Variants in ITIH2 observed in about 807,000 individuals in gnomAD.
ITIH2 encodes inter-alpha-trypsin inhibitor heavy chain 2, also known as inter-alpha-trypsin inhibitor heavy chain H2.
Under a neutral mutation model 104.4 loss-of-function variants are expected in ITIH2, and 103 were observed. That is an observed-to-expected ratio of 0.99 (90% CI 0.84 to 1.16). ITIH2 has a LOEUF of 1.16. Ranked by LOEUF, ITIH2 falls within the 50% of genes most tolerant of loss-of-function variation. The pLI is 0.00. For missense variants in ITIH2, 1,108 were observed against 1,162.4 expected (o/e 0.95, Z 0.68); for synonymous variants, 436 against 435.4 (o/e 1.00, Z -0.02).
At chr10:7,729,720 G>C (rs1834983721) in intron 11 of ITIH2, 2 of 422,862 alleles carry the variant, frequency 4.7e-6, no homozygotes, top group Non-Finnish European at 8.4e-6. Flanking sequence ...TATTTATGTT[G>C]TTTCCAATAT....
At chr10:7,713,394 C>A in intron 5 of ITIH2, 109 bp downstream of exon 5, 1 of 745,136 alleles carries the variant, frequency 1.3e-6, no homozygotes, top group Non-Finnish European at 2.3e-6. Context: ...GCACCTGAGC[C>A]AATGGCAACC....
intron 3 of ITIH2, 59 bp from the exon 4 acceptor site, chr10:7,708,963 T>C (rs1303436751): frequency 1.4e-6 from 2 of 1,418,432 alleles, no homozygotes; most frequent in South Asian, 2.3e-5. Context: ...TGCACTACAT[T>C]TGATGAAGTT....
Position 7,731,315 on chromosome 10 carries a change from C to T in ITIH2, c.1462-496C>T, listed in dbSNP as rs543394445. Among the ~76,000 whole-genome samples the T allele has an allele frequency of 4.3e-4, 66 of 152,330 alleles. 1 individual carries two copies. Among genetic ancestry groups the T allele is most frequent in the African/African-American group, 1.4e-3 (59 of 41,586 alleles). On this transcript the variant is annotated intron_variant, in intron 12 of 20. Transcript: ENST00000358415. Reference sequence around the variant, plus strand: ...AGGCTCTTAAACCAAAGGTAATGTTCTCAACAAGTCTTTGTCTTCTCTCTG... The same window carrying T: ...AGGCTCTTAAACCAAAGGTAATGTTTTCAACAAGTCTTTGTCTTCTCTCTG...
At position 7,713,270 on chromosome 10, in the gene ITIH2, C is replaced by T. The variant is rs200935424; in HGVS notation, c.452C>T (p.Thr151Met). 1.5e-5 allele frequency: 25 copies of T among 1,613,852 alleles called. No homozygotes were observed. The highest frequency in any genetic ancestry group is 1.2e-4 in the African/African-American group (9 of 75,040). ...LYAQARAKGK[T>M]AGLVRSSALD... ...GCACAGGCCAGAGCAAAAGGCAAGA[C>T]GGCTGGCTTGGTGAGGTAAGGCCTG... Residue 151 changes from threonine (T) to methionine (M), a missense_variant, in exon 5 of 21, where the codon ACG becomes ATG. Coordinates refer to ENST00000358415, the MANE Select transcript of ITIH2 (RefSeq NM_002216.3).
chr10:7,711,301 C>G (rs1394566103), intron 4 of ITIH2, among the ~76,000 whole-genome samples: 4 of 152,130 alleles, frequency 2.6e-5, no homozygotes, highest in African/African-American at 7.2e-5. Flanking sequence ...ACTATTCCGT[C>G]CTTCATTCTG....
Position 7,709,082 on chromosome 10 carries a change from A to T in ITIH2, c.253A>T (p.Met85Leu). Reference protein sequence around the residue: ...YKVQSTITSRMATTMIQSKVV... With the variant: ...YKVQSTITSRLATTMIQSKVV... ...AGTCCAGTCTACTATTACTTCTCGGATGGCCACCACCATGATCCAGAGCAA... is the reference window on the plus strand; with the variant it reads ...AGTCCAGTCTACTATTACTTCTCGGTTGGCCACCACCATGATCCAGAGCAA... Residue 85 changes from methionine (M) to leucine (L), a missense_variant, in exon 4 of 21, where the codon ATG becomes TTG. Physicochemically the swap from Met to Leu is conservative, Grantham distance 15. Transcript: ENST00000358415. 1 of 1,614,098 alleles carries T rather than the reference A, an allele frequency of 6.2e-7. No individual in the cohort carries two copies. Among genetic ancestry groups the T allele is most frequent in the Non-Finnish European group, 8.5e-7 (1 of 1,179,952 alleles).
In ITIH2 at chr10:7,727,810, G is replaced by T; in HGVS notation, c.1261G>T (p.Asp421Tyr). ...NSVSLIILVS[D>Y]GDPTVGELKL... ...CGTCTCGCTGATCATTTTGGTTTCT[G>T]ATGGAGATCCAACAGTGGGCAAGTG... Residue 421 changes from aspartate to tyrosine, a missense_variant, in exon 11 of 21, where the codon GAT (aspartate) becomes TAT (tyrosine). Physicochemically the swap from Asp to Tyr is radical, Grantham distance 160 (BLOSUM62 -3). Coordinates refer to ENST00000358415, the MANE Select transcript of ITIH2 (RefSeq NM_002216.3). 1 of 1,614,214 alleles carries T rather than the reference G, an allele frequency of 6.2e-7. No individual in the cohort carries two copies. The highest frequency in any genetic ancestry group is 8.5e-7 in the Non-Finnish European group (1 of 1,180,026).
intron 14 of ITIH2, 121 bp downstream of exon 14, chr10:7,732,598 T>G (rs565375332): frequency 9.8e-7 from 1 of 1,020,476 alleles, no homozygotes; most frequent in South Asian, 1.7e-5. Context: ...AGCACAGGCT[T>G]GGATTATTAC....
At chr10:7,745,727 C>T (rs1262452551) in intron 19 of ITIH2, among the ~76,000 whole-genome samples, 1 of 151,640 alleles carries the variant, frequency 6.6e-6, no homozygotes, top group African/African-American at 2.4e-5. Flanking sequence ...GCCTGGGTGA[C>T]AGAGGGAGAC....
chr10:7,740,997 A>G (rs1299000825), intron 16 of ITIH2, among the ~76,000 whole-genome samples: 7 of 152,186 alleles, frequency 4.6e-5, no homozygotes, highest in Non-Finnish European at 7.3e-5. Context: ...TGTCAACTCA[A>G]TATGGCAGCA....
rs753779472 is a variant in ITIH2, at chr10:7,717,798, G to C, written c.630+10G>C. ...GGCCAAACACTTAGAGGTAAGCCTG[G>C]ATCTGTAGGGTGGGCAGTGACACTG... On this transcript the variant is annotated intron_variant, in intron 6 of 20. Transcript: ENST00000358415. The C allele has an allele frequency of 3.1e-6, 5 of 1,599,748 alleles. No individual in the cohort carries two copies. The highest frequency in any genetic ancestry group is 1.3e-5 in the African/African-American group (1 of 74,730).
At position 7,723,536 on chromosome 10, in the gene ITIH2, G is replaced by A; in HGVS notation, c.953G>A (p.Ser318Asn). The change falls in exon 9 of 21, where the codon AGT becomes AAT. Residue 318 changes from serine (S) to asparagine (N), a missense_variant. Transcript: ENST00000358415. ...PKNILFVIDV[S>N]GSMWGVKMKQ... ...AACATCCTCTTTGTCATCGATGTGA[G>A]TGGCTCCATGTGGGGAGTTAAAATG... 6.2e-7 allele frequency: 1 copy of A among 1,613,290 alleles called. No individual in the cohort carries two copies. Among genetic ancestry groups the A allele is most frequent in the South Asian group, 1.1e-5 (1 of 91,058 alleles).
Position 7,707,192 on chromosome 10 carries a change from C to G in ITIH2, c.160-9C>G, listed in dbSNP as rs1271025295. On this transcript the variant is annotated splice_polypyrimidine_tract_variant and intron_variant, in intron 2 of 20. Coordinates refer to ENST00000358415, the MANE Select transcript of ITIH2 (RefSeq NM_002216.3). ...AGTTGAAGAATGATTGTCTAACTTC[C>G]TTTCACAGAGAAGCCTTCCAGGAGA... is the stretch of plus-strand genomic sequence containing the variant. 1.3e-6 allele frequency: 2 copies of G among 1,598,124 alleles called. No individual in the cohort carries two copies. Among genetic ancestry groups the G allele is most frequent in the East Asian group, 2.2e-5 (1 of 44,770 alleles).
chr10:7,746,777 A>C (rs1835182167), intron 20 of ITIH2, 73 bp downstream of exon 20: 10 of 894,746 alleles, frequency 1.1e-5, no homozygotes, highest in Middle Eastern at 2.1e-4. Context: ...AAAATAGAGG[A>C]GCAAAGAAGA....
At chr10:7,722,475 T>C (rs1834913880) in intron 8 of ITIH2, among the ~76,000 whole-genome samples, 2 of 152,072 alleles carry the variant, frequency 1.3e-5, no homozygotes, top group African/African-American at 4.8e-5. Flanking sequence ...TCAAGAAAAA[T>C]CCAAATTTTC....
chr10:7,707,307 C>T, intron 3 of ITIH2, 74 bp downstream of exon 3: 1 of 1,081,862 alleles, frequency 9.2e-7, no homozygotes, highest in Non-Finnish European at 1.4e-6. Flanking sequence ...ATCTGGGTGT[C>T]TCTTTTTTCT....
rs1267311185 is a variant in ITIH2 at position 7,709,081 on chromosome 10, G to T, written c.252G>T (p.Arg84=). Residue 84 remains arginine (R), a synonymous_variant, in exon 4 of 21, where the codon CGG becomes CGT. Coordinates refer to ENST00000358415, the MANE Select transcript of ITIH2 (RefSeq NM_002216.3). ...SYKVQSTITS[R]MATTMIQSKV... ...AAGTCCAGTCTACTATTACTTCTCGGATGGCCACCACCATGATCCAGAGCA... is the reference window on the plus strand; with the variant it reads ...AAGTCCAGTCTACTATTACTTCTCGTATGGCCACCACCATGATCCAGAGCA... 1.2e-6 allele frequency: 2 copies of T among 1,613,860 alleles called. No individual in the cohort carries two copies. The highest frequency in any genetic ancestry group is 1.3e-5 in the African/African-American group (1 of 74,862).
chr10:7,731,028 C>T (rs1368515289), intron 12 of ITIH2, among the ~76,000 whole-genome samples: 2 of 152,138 alleles, frequency 1.3e-5, no homozygotes, highest in African/African-American at 2.4e-5. Context: ...AGGCGATTCT[C>T]GCACCTCAGT....
In ITIH2 at chr10:7,703,475, C is replaced by T. The variant is rs764252763; in HGVS notation, c.41C>T (p.Ser14Phe). Residue 14 changes from serine to phenylalanine, a missense_variant, in exon 1 of 21, where the codon TCT becomes TTT. Ser to Phe is a radical substitution (Grantham distance 155). Coordinates refer to ENST00000358415, the MANE Select transcript of ITIH2 (RefSeq NM_002216.3). ...LTCFFICFFLSEVSGFEIPIN... is the reference protein window; with the variant it reads ...LTCFFICFFLFEVSGFEIPIN... ...TGCTTTTTCATCTGCTTCTTTCTTTCTGAAGTATCAGGCTTCGAAATCCCC... is the reference window on the plus strand; with the variant it reads ...TGCTTTTTCATCTGCTTCTTTCTTTTTGAAGTATCAGGCTTCGAAATCCCC... The T allele has an allele frequency of 3.7e-6, 6 of 1,614,010 alleles. No homozygotes were observed. Among genetic ancestry groups the T allele is most frequent in the Non-Finnish European group, 5.1e-6 (6 of 1,179,874 alleles).
Sources: gnomAD v4.1 joint callset for allele counts (sites outside exome capture counted in the v4.1 genomes callset) on GRCh38, gnomAD v4.1.1 for gene constraint, MANE v1.5 for transcripts, NCBI Gene and HGNC (gene_info 2026-07-23, HGNC 2026-07-21) for gene names.